The following RHOH variants were observed in gnomAD, a reference collection of about 807,000 sequenced individuals.
RHOH encodes rho-related GTP-binding protein RhoH.
Under a neutral mutation model 13.8 loss-of-function variants are expected in RHOH, and 6 were observed. The observed-to-expected ratio is 0.44, with a 90% CI of 0.24 to 0.86. The LOEUF is 0.86. Among genes scored for constraint, RHOH ranks in the 40% least tolerant of loss-of-function variants. The pLI is 0.24. For missense variants in RHOH, 147 were observed against 244.5 expected (o/e 0.60, Z 2.66); for synonymous variants, 117 against 103.0 (o/e 1.14, Z -0.82).
At chr4:40,197,847 G>A (rs1277263160) in intron 1 of RHOH, among the ~76,000 whole-genome samples, 1 of 152,260 alleles carries the variant, frequency 6.6e-6, no homozygotes, top group Non-Finnish European at 1.5e-5. Flanking sequence ...TTCTTCTGAG[G>A]TGGTTTGATT....
intron 1 of RHOH, chr4:40,209,394 G>T (rs1724999263): frequency 6.6e-6 from 1 of 152,166 alleles, no homozygotes; most frequent in Non-Finnish European, 1.5e-5. Context: ...GATGAATACA[G>T]ACGATTATTT....
chr4:40,198,758 C>A (rs1560679289), intron 1 of RHOH, among the ~76,000 whole-genome samples: 1 of 152,186 alleles, frequency 6.6e-6, no homozygotes, highest in African/African-American at 2.4e-5. Flanking sequence ...CTTGGGAGAA[C>A]GAGTTGGTTG....
chr4:40,221,445 C>G (rs1297219327), intron 1 of RHOH, among the ~76,000 whole-genome samples: 1 of 152,172 alleles, frequency 6.6e-6, no homozygotes, highest in Non-Finnish European at 1.5e-5. Context: ...AGCGTATGCT[C>G]ACTTCATGGC....
upstream of RHOH, among the ~76,000 whole-genome samples, chr4:40,196,216 C>A (rs1415371031): frequency 6.6e-6 from 1 of 152,160 alleles, no homozygotes; most frequent in African/African-American, 2.4e-5. Context: ...TCCTTACGGT[C>A]GGCAGGTATT....
chr4:40,228,835 C>T (rs1005093292), intron 1 of RHOH, among the ~76,000 whole-genome samples: 1 of 152,140 alleles, frequency 6.6e-6, no homozygotes, highest in Non-Finnish European at 1.5e-5. Context: ...CATCTGGTTT[C>T]GTGTGGGTAA....
At chr4:40,223,679 C>T (rs979264770) in intron 1 of RHOH, among the ~76,000 whole-genome samples, 3 of 150,508 alleles carry the variant, frequency 2.0e-5, no homozygotes, top group African/African-American at 7.4e-5. Flanking sequence ...GTTGTCCAGG[C>T]TGTATTGTTA....
At position 40,197,195 on chromosome 4, in the gene RHOH, G is replaced by GA. The variant is rs1260408257; in HGVS notation, c.-432dup. On this transcript the variant is annotated 5_prime_UTR_variant, in exon 1 of 3. The change creates a premature stop within an existing upstream ORF in the 5' untranslated region. Coordinates refer to ENST00000381799, the MANE Select transcript of RHOH (RefSeq NM_004310.5). ...ATCCTATGAGGAAATCAACCACAGT[G>GA]AAAAGGCTTGGGCCGCTTTTGTTTT... 6.6e-6 allele frequency: 1 copy of GA among 152,220 alleles called. No homozygotes were observed. Among genetic ancestry groups the GA allele is most frequent in the African/African-American group, 2.4e-5 (1 of 41,438 alleles). The allele number at this position is 152,220 out of a possible 1,614,324, so 9.4% of individuals were successfully genotyped here.
At chr4:40,201,970 T>A (rs1207060318) in intron 1 of RHOH, among the ~76,000 whole-genome samples, 1 of 145,230 alleles carries the variant, frequency 6.9e-6, no homozygotes, top group African/African-American at 2.7e-5. Flanking sequence ...TTTTTTTTTT[T>A]AAGACAGGGT....
chr4:40,194,879 A>G (rs540463735), upstream of RHOH, among the ~76,000 whole-genome samples: 1 of 152,282 alleles, frequency 6.6e-6, no homozygotes, highest in South Asian at 2.1e-4. Flanking sequence ...GGCTGCGTGG[A>G]GTCTAAACAT....
At chr4:40,217,632 A>G (rs1224462268) in intron 1 of RHOH, among the ~76,000 whole-genome samples, 3 of 152,230 alleles carry the variant, frequency 2.0e-5, no homozygotes, top group Non-Finnish European at 2.9e-5. Flanking sequence ...TTGTTCTACA[A>G]TAGTAAGGAA....
intron 1 of RHOH, among the ~76,000 whole-genome samples, chr4:40,229,077 T>C (rs1340728630): frequency 6.6e-6 from 1 of 152,154 alleles, no homozygotes; most frequent in African/African-American, 2.4e-5. Flanking sequence ...GATAGTGATG[T>C]CTTACTGAGT....
At chr4:40,191,636 G>T (rs34248675), upstream of RHOH, among the ~76,000 whole-genome samples, 2,745 of 152,210 alleles carry the variant, frequency 0.018, 24 homozygotes, top group Non-Finnish European at 0.022. Flanking sequence ...ATCATCTTCC[G>T]CAACAAGACT....
intron 1 of RHOH, among the ~76,000 whole-genome samples, chr4:40,238,919 C>T (rs1266653258): frequency 1.3e-5 from 2 of 152,178 alleles, no homozygotes; most frequent in Admixed American, 6.5e-5. Context: ...CCATCAGACT[C>T]ACATGCTGAT....
Position 40,226,775 on chromosome 4 carries a change from C to G in RHOH, c.-330-15939C>G, listed in dbSNP as rs16995655. 6.8e-3 allele frequency among the ~76,000 whole-genome samples: 1,033 copies of G among 152,272 alleles called. 20 individuals carry two copies. The highest frequency in any genetic ancestry group is 0.023 in the African/African-American group (967 of 41,542). Reference sequence around the variant, plus strand: ...CCTACTTCTAGAGAATGCTGGAAAGCTTAATGATTTCTCCTAAAAAGAGAT... The same window carrying G: ...CCTACTTCTAGAGAATGCTGGAAAGGTTAATGATTTCTCCTAAAAAGAGAT... On this transcript the variant is annotated intron_variant, in intron 1 of 2. Coordinates refer to ENST00000381799, the MANE Select transcript of RHOH (RefSeq NM_004310.5).
intron 1 of RHOH, among the ~76,000 whole-genome samples, chr4:40,225,496 A>G (rs1727114344): frequency 6.6e-6 from 1 of 152,198 alleles, no homozygotes; most frequent in Non-Finnish European, 1.5e-5. Flanking sequence ...CATTGCTAGG[A>G]AAATAATTTT....
At chr4:40,199,564 T>A (rs1723692794) in intron 1 of RHOH, among the ~76,000 whole-genome samples, 1 of 152,234 alleles carries the variant, frequency 6.6e-6, no homozygotes, top group East Asian at 1.9e-4. Context: ...CCTCTCAGTA[T>A]CCGCTGCATT....
chr4:40,203,688 CA>C (rs1724307368), intron 1 of RHOH, among the ~76,000 whole-genome samples: 1 of 152,032 alleles, frequency 6.6e-6, no homozygotes, highest in South Asian at 2.1e-4. Context: ...AAACAAACAG[CA>C]AAAACCAGGA....
intron 1 of RHOH, among the ~76,000 whole-genome samples, chr4:40,208,787 G>C (rs1024934428): frequency 1.9e-4 from 29 of 152,122 alleles, no homozygotes; most frequent in Middle Eastern, 3.4e-3. Context: ...GAGAAACCAA[G>C]AAACAACTTA....
intron 1 of RHOH, among the ~76,000 whole-genome samples, chr4:40,238,161 G>T (rs2109555970): frequency 6.6e-6 from 1 of 151,968 alleles, no homozygotes; most frequent in African/African-American, 2.4e-5. Context: ...AGGTATTTTG[G>T]GAACACAGCA....
Sources: gnomAD v4.1 joint callset for allele counts (sites outside exome capture counted in the v4.1 genomes callset) on GRCh38, gnomAD v4.1.1 for gene constraint, MANE v1.5 for transcripts, NCBI Gene and HGNC (gene_info 2026-07-23, HGNC 2026-07-21) for gene names.